The following HAPSTR1 variants were observed in gnomAD, a reference collection of about 807,000 sequenced individuals.
HAPSTR1 encodes the protein HUWE1 associated protein modifying stress responses, also known as HUWE1-associated protein modifying stress responses 1.
chr16:9,116,873 T>C, the HAPSTR1 span: 1 of 1,614,202 alleles, frequency 6.2e-7, no homozygotes, highest in Non-Finnish European at 8.5e-7. Context: ...GCGATGTCAT[T>C]ACAGACTCAC....
chr16:9,121,016 G>C, the HAPSTR1 span: 1 of 152,184 alleles, frequency 6.6e-6, no homozygotes, highest in Non-Finnish European at 1.5e-5. Context: ...TCTGTCGCTG[G>C]AGTGCGGTGG....
At chr16:9,115,156 T>G in the HAPSTR1 span, among the ~76,000 whole-genome samples, 1 of 152,122 alleles carries the variant, frequency 6.6e-6, no homozygotes, top group Non-Finnish European at 1.5e-5. Context: ...GCCATGGATT[T>G]GAGAACATTT....
the HAPSTR1 span, chr16:9,107,182 G>T: frequency 5.5e-4 from 84 of 152,308 alleles, no homozygotes; most frequent in African/African-American, 1.9e-3. Context: ...GAAGTTTCAG[G>T]TTGGACTCAT....
the HAPSTR1 span, chr16:9,104,600 TTCCCTTGA>T: frequency 6.6e-6 from 1 of 152,250 alleles, no homozygotes; most frequent in African/African-American, 2.4e-5. Flanking sequence ...ATGTTGTTTT[TTCCCTTGA>T]TAGTGTTTAG....
the HAPSTR1 span, among the ~76,000 whole-genome samples, chr16:9,095,966 G>C: frequency 0.16 from 23,730 of 151,982 alleles, 2,022 homozygotes; most frequent in Non-Finnish European, 0.19. Flanking sequence ...TATATTTTTT[G>C]ATTCCTGGAA....
At chr16:9,118,835 G>C in the HAPSTR1 span, 1 of 152,648 alleles carries the variant, frequency 6.6e-6, no homozygotes, top group African/African-American at 2.4e-5. Flanking sequence ...TTGAGATGGA[G>C]GAACACATAT....
chr16:9,098,159 C>G, the HAPSTR1 span, among the ~76,000 whole-genome samples: 1 of 152,252 alleles, frequency 6.6e-6, no homozygotes, highest in East Asian at 1.9e-4. Flanking sequence ...GGAGAGAAAC[C>G]GTATCTCTAC....
At chr16:9,097,038 C>G in the HAPSTR1 span, among the ~76,000 whole-genome samples, 1 of 152,008 alleles carries the variant, frequency 6.6e-6, no homozygotes, top group East Asian at 1.9e-4. Flanking sequence ...CTCCCTGGTT[C>G]AAGCGATTCT....
At chr16:9,091,962 G>T in the HAPSTR1 span, 2 of 1,207,488 alleles carry the variant, frequency 1.7e-6, no homozygotes, top group African/African-American at 1.6e-5. Flanking sequence ...CCGCCGGGCC[G>T]CTTGACGACG....
At chr16:9,092,865 T>C in the HAPSTR1 span, 8 of 1,456,278 alleles carry the variant, frequency 5.5e-6, no homozygotes, top group South Asian at 3.7e-5. Flanking sequence ...TCTTTCTCTT[T>C]CTATGTGTGT....
At chr16:9,092,321 C>T in the HAPSTR1 span, 1 of 1,335,788 alleles carries the variant, frequency 7.5e-7, no homozygotes, top group Non-Finnish European at 9.6e-7. Flanking sequence ...CCGCCCGGGC[C>T]CGGCCCCGGC....
chr16:9,092,668 C>T, the HAPSTR1 span, among the ~76,000 whole-genome samples: 1 of 152,150 alleles, frequency 6.6e-6, no homozygotes, highest in Non-Finnish European at 1.5e-5. Context: ...GGGGCGCTTC[C>T]CTGCGCCGCG....
At chr16:9,106,607 A>C in the HAPSTR1 span, 1 of 152,014 alleles carries the variant, frequency 6.6e-6, no homozygotes, top group African/African-American at 2.4e-5. Flanking sequence ...TATCAAAGCT[A>C]CTTCAATTAG....
chr16:9,096,964 CGAA>C, the HAPSTR1 span, among the ~76,000 whole-genome samples: 2 of 151,880 alleles, frequency 1.3e-5, no homozygotes, highest in Admixed American at 1.3e-4. Context: ...TTTTTGGAGA[CGAA>C]GTCTCGCTCT....
the HAPSTR1 span, among the ~76,000 whole-genome samples, chr16:9,097,419 T>C: frequency 6.6e-6 from 1 of 151,358 alleles, no homozygotes; most frequent in African/African-American, 2.4e-5. Flanking sequence ...GTTTTTGTAT[T>C]TTTGGTAGAG....
the HAPSTR1 span, among the ~76,000 whole-genome samples, chr16:9,099,316 G>T: frequency 9.9e-4 from 150 of 152,004 alleles, 6 homozygotes; most frequent in East Asian, 0.024. Flanking sequence ...TTCTGCCTCA[G>T]CCTCCCAAGT....
chr16:9,102,740 T>A, the HAPSTR1 span, among the ~76,000 whole-genome samples: 1 of 151,362 alleles, frequency 6.6e-6, no homozygotes, highest in Non-Finnish European at 1.5e-5. Flanking sequence ...TCTGTTAAAT[T>A]TTTTTTTTTA....
the HAPSTR1 span, among the ~76,000 whole-genome samples, chr16:9,099,494 G>A: frequency 2.0e-5 from 3 of 152,158 alleles, no homozygotes; most frequent in African/African-American, 7.2e-5. Context: ...TGCCATGCCC[G>A]CCCAGTTCCT....
At chr16:9,113,094 T>C in the HAPSTR1 span, 2 of 151,928 alleles carry the variant, frequency 1.3e-5, no homozygotes, top group African/African-American at 4.8e-5. Flanking sequence ...TAGGTCTGAT[T>C]GTTTATGTGG....
Sources: gnomAD v4.1 joint callset for allele counts (sites outside exome capture counted in the v4.1 genomes callset) on GRCh38, gnomAD v4.1.1 for gene constraint, MANE v1.5 for transcripts, NCBI Gene and HGNC (gene_info 2026-07-23, HGNC 2026-07-21) for gene names.